Variants in CTH observed in about 807,000 individuals in gnomAD.
CTH encodes the protein cystathionine gamma-lyase, also known as cystathionase (cystathionine gamma-lyase).
A neutral mutation model predicts 50.6 loss-of-function variants in CTH; 41 were observed. The ratio of observed to expected loss-of-function variants is 0.81; its 90% CI spans 0.63 to 1.05. The LOEUF is 1.05. CTH is among the 50% of genes least tolerant of loss of function. The pLI is 0.00. For synonymous variants in CTH, 156 were observed against 168.9 expected, an observed-to-expected ratio of 0.92 and a Z score of 0.59; for missense variants, 470 against 492.6, an observed-to-expected ratio of 0.95 and a Z score of 0.43.
At chr1:70,427,924 G>C (rs1386613045) in intron 5 of CTH, among the ~76,000 whole-genome samples, 1 of 152,060 alleles carries the variant, frequency 6.6e-6, no homozygotes, top group Non-Finnish European at 1.5e-5. Context: ...TGTTGGCCAG[G>C]CTGGTCTCAA....
intron 1 of CTH, among the ~76,000 whole-genome samples, chr1:70,412,474 C>A (rs920385697): frequency 6.6e-6 from 1 of 152,116 alleles, no homozygotes; most frequent in Non-Finnish European, 1.5e-5. Flanking sequence ...GGCATGGTGG[C>A]GGGTAATCTC....
At chr1:70,438,852 G>A in intron 11 of CTH, 26 bp downstream of exon 11, 1 of 1,610,566 alleles carries the variant, frequency 6.2e-7, no homozygotes, top group Non-Finnish European at 8.5e-7. Flanking sequence ...GTGTGTGTGT[G>A]TGTGTGTGTG....
intron 5 of CTH, among the ~76,000 whole-genome samples, chr1:70,427,777 A>T (rs1684377925): frequency 6.6e-6 from 1 of 152,006 alleles, no homozygotes; most frequent in Non-Finnish European, 1.5e-5. Context: ...CAGTGGCGCG[A>T]TCTCAGCTCA....
Position 70,438,831 on chromosome 1 carries a change from G to A in CTH, c.1191+5G>A, listed in dbSNP as rs1340608470. On this transcript the variant is annotated splice_donor_5th_base_variant and intron_variant, in intron 11 of 11. Coordinates refer to ENST00000370938, the MANE Select transcript of CTH (RefSeq NM_001902.6). ...GATCAAGCTTTGAAGGCAGCAGTAA[G>A]TCTTATTATTGTGTGTGTGTGTGTG... is the stretch of plus-strand genomic sequence containing the variant. The A allele has an allele frequency of 6.4e-7, 1 of 1,573,384 alleles. No individual in the cohort carries two copies. The highest frequency in any genetic ancestry group is 1.8e-5 in the Admixed American group (1 of 55,360).
chr1:70,415,493 G>A (rs1378685458), intron 1 of CTH, among the ~76,000 whole-genome samples: 1 of 152,082 alleles, frequency 6.6e-6, no homozygotes, highest in Non-Finnish European at 1.5e-5. Context: ...GCTCATGCAA[G>A]TCCCTTTTCC....
intron 9 of CTH, among the ~76,000 whole-genome samples, chr1:70,434,339 T>C (rs1016432220): frequency 2.8e-4 from 43 of 152,172 alleles, no homozygotes; most frequent in African/African-American, 1.0e-3. Flanking sequence ...TGCATCTGAC[T>C]GGGGTGAGGC....
chr1:70,437,047 T>C (rs777540524), intron 10 of CTH, among the ~76,000 whole-genome samples: 2 of 152,156 alleles, frequency 1.3e-5, no homozygotes, highest in Non-Finnish European at 2.9e-5. Flanking sequence ...CATTGCAATA[T>C]GGGAGGAAGG....
rs552853258 is a variant in CTH, at chr1:70,434,247, T to C, written c.999+298T>C. 1.1e-4 allele frequency among the ~76,000 whole-genome samples: 16 copies of C among 152,334 alleles called. No individual in the cohort carries two copies. In the South Asian group the frequency reaches 3.3e-3, roughly 32 times the overall value. On this transcript the variant is annotated intron_variant, in intron 9 of 11. Transcript: ENST00000370938. Reference sequence around the variant, plus strand: ...AGATGAAATAGGTAAAACCTCGAAGTAGTGTGCAGTTAGTGCACTGCACAA... The same window carrying C: ...AGATGAAATAGGTAAAACCTCGAAGCAGTGTGCAGTTAGTGCACTGCACAA...
At chr1:70,434,029 A>C (rs1371631192) in intron 9 of CTH, 80 bp downstream of exon 9, 1 of 1,594,110 alleles carries the variant, frequency 6.3e-7, no homozygotes, top group African/African-American at 1.3e-5. Flanking sequence ...TACTCAAGCC[A>C]GATAATGTTT....
At chr1:70,431,160 A>T (rs1684465436) in intron 7 of CTH, 1 of 152,142 alleles carries the variant, frequency 6.6e-6, no homozygotes. Context: ...CCTGGGCAAC[A>T]GAGTGAGATC....
At position 70,433,928 on chromosome 1, in the gene CTH, G is replaced by C; in HGVS notation, c.978G>C (p.Glu326Asp). ...FYIKGTLQHA[E>D]IFLKNLKLFT... ...TTAAGGGCACTCTTCAGCATGCTGA[G>C]ATTTTCCTCAAGAACCTAAAGGTAA... Residue 326 changes from glutamate (E) to aspartate (D), a missense_variant, in exon 9 of 12, where the codon GAG (glutamate) becomes GAC (aspartate). Physicochemically the swap from Glu to Asp is conservative, Grantham distance 45. Coordinates refer to ENST00000370938, the MANE Select transcript of CTH (RefSeq NM_001902.6). 6.2e-7 allele frequency: 1 copy of C among 1,614,070 alleles called. No individual in the cohort carries two copies. Among genetic ancestry groups the C allele is most frequent in the Non-Finnish European group, 8.5e-7 (1 of 1,179,942 alleles).
chr1:70,416,595 C>A (rs573893756), intron 2 of CTH, among the ~76,000 whole-genome samples: 1 of 141,062 alleles, frequency 7.1e-6, no homozygotes, highest in South Asian at 2.3e-4. Flanking sequence ...CAGAGTCTTG[C>A]TCTTGTCGCT....
chr1:70,411,462 A>C lies in CTH; in HGVS notation c.47A>C (p.Gln16Pro), dbSNP rs1683960378. 7 of 1,614,152 alleles carry C rather than the reference A, an allele frequency of 4.3e-6. No individual in the cohort carries two copies. The highest frequency in any genetic ancestry group is 5.9e-6 in the Non-Finnish European group (7 of 1,180,032). ...ASSQGFLPHF[Q>P]HFATQAIHVG... Reference sequence around the variant, plus strand: ...TCACAAGGTTTCCTGCCACACTTCCAACATTTCGCCACGCAGGCGATCCAT... The same window carrying C: ...TCACAAGGTTTCCTGCCACACTTCCCACATTTCGCCACGCAGGCGATCCAT... Residue 16 changes from glutamine (Q) to proline (P), a missense_variant, in exon 1 of 12, where the codon CAA (glutamine) becomes CCA (proline). Transcript: ENST00000370938.
At chr1:70,414,967 G>A (rs1237220163) in intron 1 of CTH, among the ~76,000 whole-genome samples, 3 of 152,032 alleles carry the variant, frequency 2.0e-5, no homozygotes, top group African/African-American at 7.3e-5. Flanking sequence ...TTATAGGAAT[G>A]CAAATTTTTA....
In CTH at chr1:70,424,296, C is replaced by T. The variant is rs567869106; in HGVS notation, c.468C>T (p.Ile156=). ...CTGAATTATTTTAGCTTGTTTGGAT[C>T]GAAACCCCCACAAACCCCACCCAGA... ...AITPETKLVW[I]ETPTNPTQKV... Residue 156 remains isoleucine, a synonymous_variant, in exon 5 of 12, where the codon ATC becomes ATT. Coordinates refer to ENST00000370938, the MANE Select transcript of CTH (RefSeq NM_001902.6). The T allele has an allele frequency of 1.9e-5, 31 of 1,613,874 alleles. No homozygotes were observed. Among genetic ancestry groups the T allele is most frequent in the Middle Eastern group, 1.6e-4 (1 of 6,082 alleles).
chr1:70,424,996 T>C (rs1396684671), intron 5 of CTH, among the ~76,000 whole-genome samples: 1 of 152,164 alleles, frequency 6.6e-6, no homozygotes, highest in African/African-American at 2.4e-5. Flanking sequence ...ATTATGTGAT[T>C]GTATCTGCTA....
chr1:70,421,526 C>T, intron 3 of CTH, 40 bp from the exon 4 acceptor site: 1 of 1,585,304 alleles, frequency 6.3e-7, no homozygotes, highest in Non-Finnish European at 8.7e-7. Flanking sequence ...TTTCTTAATG[C>T]AATGTTCTTT....
At chr1:70,431,042 A>C (rs1684462452) in intron 7 of CTH, 1 of 152,008 alleles carries the variant, frequency 6.6e-6, no homozygotes, top group Non-Finnish European at 1.5e-5. Flanking sequence ...AGCCAGGTGC[A>C]GTGGCATGTG....
intron 1 of CTH, among the ~76,000 whole-genome samples, chr1:70,413,408 C>A (rs975816776): frequency 6.6e-6 from 1 of 151,696 alleles, no homozygotes; most frequent in Admixed American, 6.6e-5. Context: ...GGATTACAGG[C>A]GCCTGCCACT....
Sources: allele counts gnomAD v4.1 joint callset (sites outside exome capture counted in the v4.1 genomes callset), GRCh38; gene constraint gnomAD v4.1.1; transcripts MANE v1.5; gene names NCBI Gene and HGNC (gene_info 2026-07-23, HGNC 2026-07-21).